DCC: variants seen among roughly 807,000 people sequenced by gnomAD.
The protein encoded by DCC is netrin receptor DCC.
A neutral mutation model predicts 172.5 loss-of-function variants in DCC; 58 were observed. The ratio of observed to expected loss-of-function variants is 0.34; its 90% CI spans 0.27 to 0.42. The LOEUF is 0.42. Ranked by LOEUF, DCC falls within the 10% of genes least tolerant of loss-of-function variation. DCC has a pLI of 1.00. For missense variants in DCC, 1,740 were observed against 1,791.0 expected (o/e 0.97, Z 0.51); for synonymous variants, 709 against 644.5 (o/e 1.10, Z -1.52).
intron 1 of DCC, among the ~76,000 whole-genome samples, chr18:52,620,738 GA>G (rs1328241769): frequency 1.3e-5 from 2 of 151,844 alleles, no homozygotes; most frequent in East Asian, 3.9e-4. Flanking sequence ...GATGTCGGAG[GA>G]AAAAAATAGG....
chr18:52,986,101 A>C (rs920237073), intron 5 of DCC, among the ~76,000 whole-genome samples: 1 of 152,162 alleles, frequency 6.6e-6, no homozygotes, highest in Non-Finnish European at 1.5e-5. Context: ...GTCACCATGG[A>C]AAATTTTATC....
At chr18:52,530,657 G>T (rs2032122834) in intron 1 of DCC, among the ~76,000 whole-genome samples, 1 of 152,018 alleles carries the variant, frequency 6.6e-6, no homozygotes, top group Non-Finnish European at 1.5e-5. Context: ...TTTTTTCAGG[G>T]AAAATGAATG....
chr18:52,510,347 G>T (rs2031391244), intron 1 of DCC, among the ~76,000 whole-genome samples: 1 of 152,134 alleles, frequency 6.6e-6, no homozygotes, highest in Admixed American at 6.5e-5. Context: ...GCGGGCTCAG[G>T]TCTTTATAGA....
At chr18:53,254,733 T>G (rs2056482811) in intron 12 of DCC, among the ~76,000 whole-genome samples, 1 of 152,026 alleles carries the variant, frequency 6.6e-6, no homozygotes, top group South Asian at 2.1e-4. Flanking sequence ...CGTTCAGAAT[T>G]GTCCTGGATC....
At chr18:53,002,528 T>G (rs2041581704) in intron 5 of DCC, among the ~76,000 whole-genome samples, 2 of 152,132 alleles carry the variant, frequency 1.3e-5, no homozygotes, top group Admixed American at 1.3e-4. Flanking sequence ...CACAATAGAC[T>G]GATGAGTACT....
chr18:53,205,303 C>T lies in DCC; in HGVS notation c.1661C>T (p.Ala554Val). The T allele has an allele frequency of 6.2e-7, 1 of 1,613,866 alleles. No individual in the cohort carries two copies. The highest frequency in any genetic ancestry group is 2.2e-5 in the East Asian group (1 of 44,872). The change falls in exon 10 of 29, where the codon GCA becomes GTA. Residue 554 changes from alanine (A) to valine (V), a missense_variant. Around this residue, in one of 2 missense-constraint regions of DCC, gnomAD observed 1,732 missense variants for 1,767.4 expected, o/e 0.98. Coordinates refer to ENST00000442544, the MANE Select transcript of DCC (RefSeq NM_005215.4). ...ILITWEPPAY[A>V]NGPVQGYRLF... ...ATTACCTGGGAACCCCCTGCCTATGCAAACGGTCCAGTCCAAGGTTACAGA... is the reference window on the plus strand; with the variant it reads ...ATTACCTGGGAACCCCCTGCCTATGTAAACGGTCCAGTCCAAGGTTACAGA...
chr18:52,673,625 G>T (rs891866091), intron 1 of DCC, among the ~76,000 whole-genome samples: 1 of 152,100 alleles, frequency 6.6e-6, no homozygotes, highest in Admixed American at 6.5e-5. Context: ...TGAGCCACTA[G>T]GTATAGCTCA....
At chr18:52,982,053 G>A (rs2041219934) in intron 5 of DCC, among the ~76,000 whole-genome samples, 1 of 152,094 alleles carries the variant, frequency 6.6e-6, no homozygotes. Context: ...CTTACATAAA[G>A]AGCTTTCTAA....
chr18:52,887,925 T>A (rs1410059760), intron 2 of DCC, among the ~76,000 whole-genome samples: 1 of 152,170 alleles, frequency 6.6e-6, no homozygotes, highest in Non-Finnish European at 1.5e-5. Context: ...TACAGCACTT[T>A]CATTTTGGCA....
chr18:52,789,187 A>G (rs1359004503), intron 2 of DCC, among the ~76,000 whole-genome samples: 1 of 152,188 alleles, frequency 6.6e-6, no homozygotes, highest in Non-Finnish European at 1.5e-5. Flanking sequence ...ACAATGAAAA[A>G]CAGCAAAGCC....
intron 1 of DCC, among the ~76,000 whole-genome samples, chr18:52,614,523 C>T (rs564233474): frequency 1.3e-5 from 2 of 152,244 alleles, no homozygotes; most frequent in East Asian, 1.9e-4. Flanking sequence ...ACAGTGTTGA[C>T]GGCTACACCA....
At chr18:53,132,283 A>G (rs1257442308) in intron 7 of DCC, among the ~76,000 whole-genome samples, 1 of 151,986 alleles carries the variant, frequency 6.6e-6, no homozygotes, top group Non-Finnish European at 1.5e-5. Context: ...AAATAGTCTC[A>G]CCCTTGCCAA....
chr18:52,416,429 G>T (rs1333627926), intron 1 of DCC, among the ~76,000 whole-genome samples: 2 of 152,210 alleles, frequency 1.3e-5, no homozygotes, highest in African/African-American at 2.4e-5. Flanking sequence ...GGGTGTTCTT[G>T]TTAACTTTCT....
intron 1 of DCC, among the ~76,000 whole-genome samples, chr18:52,594,237 A>G (rs1266632695): frequency 6.6e-6 from 1 of 152,226 alleles, no homozygotes; most frequent in Non-Finnish European, 1.5e-5. Context: ...ATCCACATAT[A>G]GCTGGCTCTT....
chr18:53,447,238 GC>G (rs779891477), intron 22 of DCC, among the ~76,000 whole-genome samples: 7 of 152,194 alleles, frequency 4.6e-5, no homozygotes, highest in African/African-American at 9.7e-5. Flanking sequence ...AGAATTGACT[GC>G]CACTAAAGAC....
intron 12 of DCC, among the ~76,000 whole-genome samples, chr18:53,257,917 A>C (rs550902203): frequency 2.6e-5 from 4 of 151,898 alleles, no homozygotes; most frequent in Non-Finnish European, 4.4e-5. Flanking sequence ...CAGAGATTCA[A>C]CTTCTTCCTG....
chr18:53,145,940 T>C (rs968396947), intron 7 of DCC, among the ~76,000 whole-genome samples: 2 of 152,076 alleles, frequency 1.3e-5, no homozygotes, highest in Non-Finnish European at 2.9e-5. Flanking sequence ...TATAACAAAA[T>C]ACCACAGACT....
chr18:52,665,514 A>G (rs974140143), intron 1 of DCC, among the ~76,000 whole-genome samples: 4 of 152,204 alleles, frequency 2.6e-5, no homozygotes, highest in Admixed American at 2.6e-4. Flanking sequence ...TGTGGAGCAG[A>G]TGTGCTTGAA....
intron 1 of DCC, among the ~76,000 whole-genome samples, chr18:52,614,196 T>TA (rs2034332889): frequency 1.3e-5 from 2 of 152,174 alleles, no homozygotes; most frequent in South Asian, 4.1e-4. Context: ...AATTTAATGT[T>TA]AAAAATAAAA....
Sources: allele counts gnomAD v4.1 joint callset (sites outside exome capture counted in the v4.1 genomes callset), GRCh38; gene constraint gnomAD v4.1.1; regional missense constraint gnomAD v4.1.1; transcripts MANE v1.5; gene names NCBI Gene and HGNC (gene_info 2026-07-23, HGNC 2026-07-21).